SOHLH2: variants seen among roughly 807,000 people sequenced by gnomAD.
The protein encoded by SOHLH2 is spermatogenesis- and oogenesis-specific basic helix-loop-helix-containing protein 2.
SOHLH2 carries 22 observed loss-of-function variants against 50.4 expected under a neutral mutation model. The ratio of observed to expected loss-of-function variants is 0.44; its 90% CI spans 0.31 to 0.62. The LOEUF (loss-of-function observed/expected upper bound fraction) is 0.62, where lower values mean the gene tolerates loss of function less well. Among genes scored for constraint, SOHLH2 ranks in the 20% least tolerant of loss-of-function variants. The pLI is 0.08. For missense variants in SOHLH2, 412 were observed against 504.4 expected (o/e 0.82, Z 1.76); for synonymous variants, 185 against 187.3 (o/e 0.99, Z 0.10).
chr13:36,171,706 T>C lies in SOHLH2; in HGVS notation c.1001-919A>G, dbSNP rs553310688. ...ACTTCATATATGGGAAAATATTTCC[T>C]ATCATATGATGTAAAAAATCACTCT... On this transcript the variant is annotated intron_variant, in intron 9 of 10. Transcript: ENST00000379881. 9.2e-5 allele frequency among the ~76,000 whole-genome samples: 14 copies of C among 152,344 alleles called. No homozygotes were observed. In the South Asian group the frequency reaches 2.9e-3, roughly 32 times the overall value.
intron 1 of SOHLH2, among the ~76,000 whole-genome samples, chr13:36,212,330 G>A (rs1344369508): frequency 6.6e-6 from 1 of 152,174 alleles, no homozygotes; most frequent in Non-Finnish European, 1.5e-5. Flanking sequence ...CAAAATCAGT[G>A]CCATAGCACA....
In SOHLH2 at chr13:36,184,459, C is replaced by CTTTTTTTTTTTTTTTTTTTTT. The variant is rs764218457; in HGVS notation, c.641+5486_641+5487insAAAAAAAAAAAAAAAAAAAAA. ...TGATGGAAGTTTCTACCTACAAAGACCTTTTTTTTTTTTTTTTTTTGAGAC... is the reference window on the plus strand; with the variant it reads ...TGATGGAAGTTTCTACCTACAAAGACTTTTTTTTTTTTTTTTTTTTTCTTTTTTTTTTTTTTTTTTTGAGAC... On this transcript the variant is annotated intron_variant, in intron 6 of 10. Coordinates refer to ENST00000379881, the MANE Select transcript of SOHLH2 (RefSeq NM_017826.3). Among the ~76,000 whole-genome samples, 56 of 81,660 alleles carry CTTTTTTTTTTTTTTTTTTTTT rather than the reference C, an allele frequency of 6.9e-4. 3 individuals carry two copies. Among genetic ancestry groups the CTTTTTTTTTTTTTTTTTTTTT allele is most frequent in the African/African-American group, 2.5e-3 (52 of 20,406 alleles). The allele number at this position is 81,660 out of a possible 152,430, so 53.6% of individuals were successfully genotyped here. A position where few individuals can be genotyped will look rare whatever the true frequency, so the allele number is the denominator to read the frequency against.
chr13:36,174,630 T>C (rs878865885), intron 7 of SOHLH2, 63 bp from the exon 8 acceptor site: 1 of 1,602,654 alleles, frequency 6.2e-7, no homozygotes, highest in East Asian at 2.2e-5. Flanking sequence ...CAAAGACACA[T>C]ACTTTCCAAT....
chr13:36,190,104 G>C, intron 5 of SOHLH2, 48 bp from the exon 6 acceptor site: 1 of 1,546,550 alleles, frequency 6.5e-7, no homozygotes, highest in Non-Finnish European at 8.8e-7. Flanking sequence ...GAAAATTGTC[G>C]GGCAAAATTA....
chr13:36,174,700 C>G, intron 7 of SOHLH2, 22 bp downstream of exon 7: 2 of 1,590,174 alleles, frequency 1.3e-6, no homozygotes, highest in Non-Finnish European at 1.7e-6. Flanking sequence ...GGATAAAATT[C>G]AAAGCTTTGG....
intron 6 of SOHLH2, among the ~76,000 whole-genome samples, chr13:36,185,362 G>A (rs186790417): frequency 6.6e-6 from 1 of 151,994 alleles, no homozygotes; most frequent in Non-Finnish European, 1.5e-5. Flanking sequence ...AGCTGCTTGG[G>A]AGGCTGAGGC....
At chr13:36,203,678 G>C (rs1027951262) in intron 1 of SOHLH2, among the ~76,000 whole-genome samples, 5 of 152,034 alleles carry the variant, frequency 3.3e-5, no homozygotes, top group Admixed American at 2.6e-4. Flanking sequence ...TAATAAGACT[G>C]ATTATTCTTA....
At chr13:36,177,271 G>T (rs1417834095) in intron 6 of SOHLH2, among the ~76,000 whole-genome samples, 1 of 152,012 alleles carries the variant, frequency 6.6e-6, no homozygotes, top group Non-Finnish European at 1.5e-5. Context: ...TTTTCACTGA[G>T]CAACAGTATT....
At chr13:36,203,239 G>A (rs1476209841) in intron 1 of SOHLH2, among the ~76,000 whole-genome samples, 1 of 152,114 alleles carries the variant, frequency 6.6e-6, no homozygotes, top group African/African-American at 2.4e-5. Flanking sequence ...TCATAAATGG[G>A]CTGTTAGTAT....
chr13:36,176,245 G>C (rs917207502), intron 6 of SOHLH2, among the ~76,000 whole-genome samples: 2 of 152,172 alleles, frequency 1.3e-5, no homozygotes, highest in Non-Finnish European at 1.5e-5. Context: ...TGGATGGCTG[G>C]ATGATGGATC....
Position 36,170,696 on chromosome 13 carries a change from A to T in SOHLH2, c.1092T>A (p.Thr364=). 6.2e-7 allele frequency: 1 copy of T among 1,614,238 alleles called. No individual in the cohort carries two copies. The highest frequency in any genetic ancestry group is 8.5e-7 in the Non-Finnish European group (1 of 1,180,038). Residue 364 remains threonine, a synonymous_variant, in exon 10 of 11, where the codon ACT becomes ACA. Coordinates refer to ENST00000379881, the MANE Select transcript of SOHLH2 (RefSeq NM_017826.3). ...SAALSLNSLH[T]VRYYSKVTPS... ...GGGTGACTTTAGAATAATATCTGAC[A>T]GTATGCAAGGAATTCAGAGACAGCG...
chr13:36,203,670 A>G (rs1055095716), intron 1 of SOHLH2, among the ~76,000 whole-genome samples: 11 of 152,202 alleles, frequency 7.2e-5, no homozygotes, highest in African/African-American at 2.4e-4. Flanking sequence ...CAAACCCTTA[A>G]TAAGACTGAT....
At chr13:36,196,186 C>T (rs1275402595) in intron 2 of SOHLH2, among the ~76,000 whole-genome samples, 2 of 149,806 alleles carry the variant, frequency 1.3e-5, no homozygotes, top group Non-Finnish European at 3.0e-5. Flanking sequence ...AGTGCAGTGG[C>T]GTGGTCAAGG....
rs1887049700 is a variant in SOHLH2, at chr13:36,174,514, G to A, written c.843C>T (p.Pro281=). Residue 281 remains proline (P), a synonymous_variant, in exon 8 of 11, where the codon CCC becomes CCT. Transcript: ENST00000379881. ...CAGTGCCTGGGAGAGACAGCTCAAT[G>A]GGTGTTTGTTGTTTCTTACAAAACC... ...NMRFCKKQQT[P]IELSLPGTVM... 6.2e-7 allele frequency: 1 copy of A among 1,614,080 alleles called. No individual in the cohort carries two copies. Among genetic ancestry groups the A allele is most frequent in the Non-Finnish European group, 8.5e-7 (1 of 1,180,026 alleles).
intron 6 of SOHLH2, among the ~76,000 whole-genome samples, chr13:36,176,650 A>T (rs1887103754): frequency 6.6e-6 from 1 of 152,146 alleles, no homozygotes; most frequent in African/African-American, 2.4e-5. Context: ...TACCTGAAAC[A>T]AAGTTTGTAC....
chr13:36,169,136 C>A, intron 10 of SOHLH2, 82 bp from the exon 11 acceptor site: 3 of 1,492,596 alleles, frequency 2.0e-6, no homozygotes, highest in South Asian at 1.4e-5. Context: ...TTTTCTATAT[C>A]CTAAAACAAT....
At chr13:36,203,201 T>G (rs1868531604) in intron 1 of SOHLH2, among the ~76,000 whole-genome samples, 1 of 152,218 alleles carries the variant, frequency 6.6e-6, no homozygotes, top group Non-Finnish European at 1.5e-5. Flanking sequence ...GTCAAACATA[T>G]AAGTACGATA....
chr13:36,192,304 C>T (rs1261416730), intron 4 of SOHLH2, among the ~76,000 whole-genome samples: 1 of 152,078 alleles, frequency 6.6e-6, no homozygotes, highest in Admixed American at 6.5e-5. Flanking sequence ...TGCAGCTGCT[C>T]ATCCTTAGAG....
intron 2 of SOHLH2, among the ~76,000 whole-genome samples, chr13:36,194,569 T>C (rs1887669334): frequency 6.6e-6 from 1 of 152,168 alleles, no homozygotes; most frequent in Non-Finnish European, 1.5e-5. Context: ...TATGGGTGTA[T>C]TATTATACTC....
Sources: gnomAD v4.1 joint callset for allele counts (sites outside exome capture counted in the v4.1 genomes callset) on GRCh38, gnomAD v4.1.1 for gene constraint, MANE v1.5 for transcripts, NCBI Gene and HGNC (gene_info 2026-07-23, HGNC 2026-07-21) for gene names.